Variants in ADAMTSL3 observed in about 807,000 individuals in gnomAD.
ADAMTSL3 encodes ADAMTS like 3, also known as ADAMTS-like protein 3.
Under a neutral mutation model 201.7 loss-of-function variants are expected in ADAMTSL3, and 128 were observed. The observed-to-expected ratio is 0.63, with a 90% CI of 0.55 to 0.73. ADAMTSL3 has a LOEUF of 0.73. Ranked by LOEUF, ADAMTSL3 falls within the 30% of genes least tolerant of loss-of-function variation. ADAMTSL3 has a pLI of 0.00. For missense variants in ADAMTSL3, 1,990 were observed against 2,119.6 expected, an observed-to-expected ratio of 0.94 and a Z score of 1.20; for synonymous variants, 738 against 748.4, an observed-to-expected ratio of 0.99 and a Z score of 0.23.
intron 17 of ADAMTSL3, among the ~76,000 whole-genome samples, chr15:83,936,797 GAAACTT>G (rs1486258136): frequency 1.3e-5 from 2 of 150,896 alleles, no homozygotes; most frequent in African/African-American, 5.0e-5. Flanking sequence ...GAATCTGTAA[GAAACTT>G]AAACAAATTC....
intron 2 of ADAMTSL3, among the ~76,000 whole-genome samples, chr15:83,674,981 A>G (rs2061383131): frequency 1.3e-5 from 2 of 151,694 alleles, no homozygotes; most frequent in Non-Finnish European, 2.9e-5. Context: ...TTATAATTAC[A>G]TATTCTATAT....
At chr15:83,819,126 T>C (rs58151367) in intron 5 of ADAMTSL3, among the ~76,000 whole-genome samples, 46 of 151,856 alleles carry the variant, frequency 3.0e-4, no homozygotes, top group African/African-American at 8.9e-4. Flanking sequence ...AAAAATAAGC[T>C]GGGCGTGGTG....
intron 17 of ADAMTSL3, among the ~76,000 whole-genome samples, chr15:83,929,210 G>C (rs2066303879): frequency 6.6e-6 from 1 of 152,058 alleles, no homozygotes; most frequent in East Asian, 1.9e-4. Context: ...TCTTTTGCCG[G>C]GGCTGCCATA....
chr15:83,728,083 C>T (rs2062207232), intron 3 of ADAMTSL3, among the ~76,000 whole-genome samples: 1 of 151,736 alleles, frequency 6.6e-6, no homozygotes. Context: ...TTGTTATATC[C>T]TCTTGGTGTT....
chr15:83,783,966 C>T (rs1596201344), intron 4 of ADAMTSL3, among the ~76,000 whole-genome samples: 1 of 152,086 alleles, frequency 6.6e-6, no homozygotes, highest in East Asian at 1.9e-4. Context: ...GGGAAAAATA[C>T]CCTTCTTCTG....
chr15:83,809,660 A>G (rs2063660617), intron 5 of ADAMTSL3, among the ~76,000 whole-genome samples: 1 of 152,148 alleles, frequency 6.6e-6, no homozygotes, highest in Admixed American at 6.5e-5. Context: ...ATCACTAACC[A>G]TGACATTTTA....
rs530216336 is a variant in ADAMTSL3 at position 83,712,157 on chromosome 15, G to A, written c.189+7649G>A. Among the ~76,000 whole-genome samples, 44 of 152,256 alleles carry A rather than the reference G, an allele frequency of 2.9e-4. 1 individual carries two copies. The highest frequency in any genetic ancestry group is 6.8e-3 in the Middle Eastern group (2 of 294). The stretch of plus-strand genomic sequence containing the variant: ...GCAACTCAGTTCTGTCACAATCCCT[G>A]GATGAAAGAAAGCAAGTAGACTTTC... On this transcript the variant is annotated intron_variant, in intron 3 of 29. Transcript: ENST00000286744.
At chr15:83,823,595 C>G (rs1255318483) in intron 6 of ADAMTSL3, among the ~76,000 whole-genome samples, 1 of 152,188 alleles carries the variant, frequency 6.6e-6, no homozygotes, top group Non-Finnish European at 1.5e-5. Flanking sequence ...TCCATCTTTA[C>G]TGCCTTTCTT....
chr15:83,822,606 G>A (rs2063907051), intron 6 of ADAMTSL3, among the ~76,000 whole-genome samples: 1 of 151,340 alleles, frequency 6.6e-6, no homozygotes, highest in Admixed American at 6.6e-5. Flanking sequence ...GGGCGGCCGG[G>A]CAGAGACGCT....
intron 2 of ADAMTSL3, among the ~76,000 whole-genome samples, chr15:83,669,662 G>A (rs2061301454): frequency 6.6e-6 from 1 of 150,982 alleles, no homozygotes; most frequent in Non-Finnish European, 1.5e-5. Context: ...TAGAGACGGG[G>A]TTTCACCCTG....
chr15:83,919,924 G>A (rs965527897), intron 16 of ADAMTSL3, among the ~76,000 whole-genome samples: 1 of 152,118 alleles, frequency 6.6e-6, no homozygotes, highest in Admixed American at 6.5e-5. Context: ...GCTTATAAAA[G>A]GAAGTTCCCA....
intron 6 of ADAMTSL3, among the ~76,000 whole-genome samples, chr15:83,828,746 A>AT (rs1400827347): frequency 6.6e-6 from 1 of 152,102 alleles, no homozygotes; most frequent in Non-Finnish European, 1.5e-5. Flanking sequence ...AGGTTGTTTA[A>AT]TTTTGTCAAA....
intron 23 of ADAMTSL3, among the ~76,000 whole-genome samples, chr15:84,010,556 G>A (rs1271934862): frequency 1.3e-5 from 2 of 152,116 alleles, no homozygotes; most frequent in African/African-American, 4.8e-5. Context: ...ATCTGCTGTG[G>A]AGAACTGAGA....
chr15:83,717,382 A>G (rs775651215), intron 3 of ADAMTSL3: 4 of 152,218 alleles, frequency 2.6e-5, no homozygotes, highest in Non-Finnish European at 4.4e-5. Context: ...ACTGTATGAG[A>G]TATGCCCTGT....
At position 84,021,584 on chromosome 15, in the gene ADAMTSL3, G is replaced by A. The variant is rs764269823; in HGVS notation, c.4448G>A (p.Cys1483Tyr). Reference sequence around the variant, plus strand: ...TTTGAGCCCTGTAACATCCGGGACTGCCCAGCGAGGTAAGTGAAGTCACTC... The same window carrying A: ...TTTGAGCCCTGTAACATCCGGGACTACCCAGCGAGGTAAGTGAAGTCACTC... ...AGFEPCNIRD[C>Y]PARWFTSVWS... Residue 1483 changes from cysteine to tyrosine, a missense_variant, in exon 26 of 30, where the codon TGC (cysteine) becomes TAC (tyrosine). Cys to Tyr is a radical substitution (Grantham distance 194). Transcript: ENST00000286744. The A allele has an allele frequency of 1.9e-6, 3 of 1,613,518 alleles. No homozygotes were observed. Among genetic ancestry groups the A allele is most frequent in the East Asian group, 2.2e-5 (1 of 44,870 alleles).
intron 23 of ADAMTSL3, among the ~76,000 whole-genome samples, chr15:83,994,310 A>G (rs1420690222): frequency 6.6e-6 from 1 of 152,208 alleles, no homozygotes; most frequent in African/African-American, 2.4e-5. Context: ...TTAGGAGGAA[A>G]AATTCTACAA....
intron 4 of ADAMTSL3, among the ~76,000 whole-genome samples, chr15:83,774,664 A>G (rs1451201159): frequency 6.6e-6 from 1 of 152,198 alleles, no homozygotes. Context: ...TCCAGGGATT[A>G]TTCTTGCAAA....
intron 3 of ADAMTSL3, among the ~76,000 whole-genome samples, chr15:83,729,845 G>A (rs912972411): frequency 1.3e-4 from 20 of 152,040 alleles, no homozygotes; most frequent in Non-Finnish European, 8.8e-5. Flanking sequence ...GCATTGAAGA[G>A]TTGGATATTT....
chr15:83,869,484 C>G (rs921043847), intron 8 of ADAMTSL3, among the ~76,000 whole-genome samples: 2 of 152,154 alleles, frequency 1.3e-5, no homozygotes, highest in Non-Finnish European at 2.9e-5. Flanking sequence ...TAGCTCATGT[C>G]CAGCCTTTGA....
Sources: gnomAD v4.1 joint callset for allele counts (sites outside exome capture counted in the v4.1 genomes callset) on GRCh38, gnomAD v4.1.1 for gene constraint, MANE v1.5 for transcripts, NCBI Gene and HGNC (gene_info 2026-07-23, HGNC 2026-07-21) for gene names.